COQ8A: variants seen among roughly 807,000 people sequenced by gnomAD.
COQ8A encodes atypical kinase COQ8A, mitochondrial.
In COQ8A, 51 loss-of-function variants were observed where a neutral mutation model predicts 65.0. The ratio of observed to expected loss-of-function variants is 0.78; its 90% CI spans 0.63 to 0.99. The LOEUF is 0.99. Ranked by LOEUF, COQ8A falls within the 50% of genes least tolerant of loss-of-function variation. COQ8A has a pLI of 0.00. For missense variants in COQ8A, 940 were observed against 875.0 expected (o/e 1.07, Z -0.94); for synonymous variants, 371 against 353.2 (o/e 1.05, Z -0.57).
At position 226,983,595 on chromosome 1, in the gene COQ8A, T is replaced by C; in HGVS notation, c.1124T>C (p.Leu375Pro). 6.2e-7 allele frequency: 1 copy of C among 1,613,960 alleles called. No individual in the cohort carries two copies. The highest frequency in any genetic ancestry group is 8.5e-7 in the Non-Finnish European group (1 of 1,180,018). ...AGCATCAACAGTGATGTCAACAACC[T>C]CATGGCCGTGTTGAACATGAGCAAC... ...AQSINSDVNN[L>P]MAVLNMSNML... The change falls in exon 9 of 15, where the codon CTC (leucine) becomes CCC (proline). Residue 375 changes from leucine to proline, a missense_variant. Transcript: ENST00000366777.
chr1:226,981,913 T>C, intron 5 of COQ8A, 114 bp from the exon 6 acceptor site: 1 of 1,511,788 alleles, frequency 6.6e-7, no homozygotes, highest in South Asian at 1.1e-5. Flanking sequence ...GCTGGTTTTA[T>C]GGACGCCTGG....
chr1:226,984,257 G>A (rs7530213), intron 11 of COQ8A, 22 bp downstream of exon 11: 2 of 1,612,432 alleles, frequency 1.2e-6, no homozygotes, highest in Non-Finnish European at 1.7e-6. Flanking sequence ...CCAGCAGACA[G>A]GTGGGGCCAG....
At chr1:226,957,384 G>A (rs996891895) in intron 1 of COQ8A, among the ~76,000 whole-genome samples, 2 of 151,348 alleles carry the variant, frequency 1.3e-5, no homozygotes, top group African/African-American at 4.9e-5. Context: ...GGCTTTGGTG[G>A]CAGATATGAC....
chr1:226,960,361 TTGG>T (rs1258779133), intron 1 of COQ8A, among the ~76,000 whole-genome samples: 1 of 1,596 alleles, frequency 6.3e-4, no homozygotes, highest in African/African-American at 2.7e-3. Context: ...GTGGTGGTGC[TTGG>T]TGGTGGTGGT....
intron 1 of COQ8A, among the ~76,000 whole-genome samples, chr1:226,955,703 C>T (rs1394753626): frequency 2.1e-5 from 2 of 96,454 alleles, no homozygotes; most frequent in African/African-American, 8.8e-5. Context: ...CTCCCTGGCT[C>T]CCACTCCCTG....
chr1:226,964,924 T>A (rs891953241), intron 2 of COQ8A, 76 bp from the exon 3 acceptor site: 52 of 1,545,824 alleles, frequency 3.4e-5, no homozygotes, highest in Non-Finnish European at 2.9e-5. Context: ...TGTGCTGTCC[T>A]GGGCAGCAGG....
intron 2 of COQ8A, among the ~76,000 whole-genome samples, chr1:226,963,163 G>C (rs149374715): frequency 4.6e-5 from 7 of 152,332 alleles, no homozygotes; most frequent in African/African-American, 1.7e-4. Flanking sequence ...TCTGGAAGGG[G>C]CAGGGCTTCC....
At chr1:226,984,829 A>G in intron 12 of COQ8A, 47 bp from the exon 13 acceptor site, 1 of 1,600,596 alleles carries the variant, frequency 6.2e-7, no homozygotes, top group Non-Finnish European at 8.6e-7. Context: ...ACACACCCGC[A>G]CCATGGAGCA....
In COQ8A at chr1:226,983,054, G is replaced by GT; in HGVS notation, c.1080+21dup. ...ATCCAGGTAGGCGGCCTGATGCGCA[G>GT]TGCCTGTCCCTATGGGGGCTGCAAG... On this transcript the variant is annotated intron_variant, in intron 8 of 14. Coordinates refer to ENST00000366777, the MANE Select transcript of COQ8A (RefSeq NM_020247.5). 3.8e-6 allele frequency: 6 copies of GT among 1,572,152 alleles called. No individual in the cohort carries two copies. Among genetic ancestry groups the GT allele is most frequent in the Non-Finnish European group, 4.3e-6 (5 of 1,160,098 alleles).
chr1:226,985,384 G>T (rs1459553960), intron 14 of COQ8A, 44 bp downstream of exon 14: 2 of 1,600,664 alleles, frequency 1.2e-6, no homozygotes, highest in East Asian at 2.2e-5. Flanking sequence ...CTGACCCAGG[G>T]CCCGGCTCCC....
rs141423403 is a variant in COQ8A, at chr1:226,985,325, C to G, written c.1644C>G (p.Thr548=). ...RAKSIEMKFL[T]GYEVKVMEDA... ...AATCCATAGAGATGAAGTTCCTCAC[C>G]GGCTACGAGGTCAAGGTGAGCAGGG... Residue 548 remains threonine (T), a synonymous_variant, in exon 14 of 15, where the codon ACC becomes ACG. Coordinates refer to ENST00000366777, the MANE Select transcript of COQ8A (RefSeq NM_020247.5). The G allele has an allele frequency of 6.2e-7, 1 of 1,613,482 alleles. No homozygotes were observed. Among genetic ancestry groups the G allele is most frequent in the Admixed American group, 1.7e-5 (1 of 60,010 alleles).
intron 4 of COQ8A, among the ~76,000 whole-genome samples, chr1:226,970,154 T>C (rs1056093857): frequency 1.3e-5 from 2 of 152,198 alleles, no homozygotes; most frequent in African/African-American, 4.8e-5. Flanking sequence ...GGTTTTGCCA[T>C]GTTGGCCAGG....
At chr1:226,941,871 A>C (rs1274422580) in intron 1 of COQ8A, among the ~76,000 whole-genome samples, 1 of 152,088 alleles carries the variant, frequency 6.6e-6, no homozygotes, top group African/African-American at 2.4e-5. Context: ...TTTGGGGCCT[A>C]ATGTTGAGCA....
chr1:226,982,275 C>G, intron 6 of COQ8A, 126 bp downstream of exon 6: 2 of 1,388,220 alleles, frequency 1.4e-6, no homozygotes, highest in South Asian at 2.7e-5. Flanking sequence ...GGGGAGAGAT[C>G]TTAGAAGATA....
chr1:226,963,168 G>T (rs1010925514), intron 2 of COQ8A, among the ~76,000 whole-genome samples: 10 of 152,202 alleles, frequency 6.6e-5, no homozygotes, highest in Admixed American at 5.2e-4. Context: ...AAGGGGCAGG[G>T]CTTCCCCATC....
intron 1 of COQ8A, among the ~76,000 whole-genome samples, chr1:226,942,048 T>A (rs957634673): frequency 2.6e-5 from 4 of 152,080 alleles, no homozygotes; most frequent in Non-Finnish European, 4.4e-5. Flanking sequence ...TATCCCTGGC[T>A]TCTGTCTACT....
intron 14 of COQ8A, 61 bp from the exon 15 acceptor site, chr1:226,986,392 A>G: frequency 6.5e-7 from 1 of 1,540,600 alleles, no homozygotes. Context: ...TGTGGGAGGA[A>G]CCCGGGCTGG....
chr1:226,981,905 T>C (rs1659718507), intron 5 of COQ8A, 122 bp from the exon 6 acceptor site: 1 of 1,461,236 alleles, frequency 6.8e-7, no homozygotes, highest in African/African-American at 1.4e-5. Context: ...GTTATGTTGC[T>C]GGTTTTATGG....
intron 14 of COQ8A, 95 bp from the exon 15 acceptor site, chr1:226,986,354 TTGAA>T (rs1238497215): frequency 2.2e-6 from 3 of 1,356,694 alleles, no homozygotes; most frequent in South Asian, 1.2e-5. Context: ...CAGCAGAGCT[TTGAA>T]TGAGAACTCA....
Sources: allele counts gnomAD v4.1 joint callset (sites outside exome capture counted in the v4.1 genomes callset), GRCh38; gene constraint gnomAD v4.1.1; transcripts MANE v1.5; gene names NCBI Gene and HGNC (gene_info 2026-07-23, HGNC 2026-07-21).